DMD: variants seen among roughly 807,000 people sequenced by gnomAD.
DMD encodes dystrophin.
Under a neutral mutation model 330.1 loss-of-function variants are expected in DMD, and 63 were observed. The observed-to-expected ratio is 0.19, with a 90% confidence interval of 0.16 to 0.24. DMD has a LOEUF of 0.24. DMD is among the 10% of genes least tolerant of loss of function. The pLI is 1.00. For missense variants in DMD, 3,344 were observed against 2,684.1 expected (o/e 1.25, Z -5.43); for synonymous variants, 1,223 against 959.8 (o/e 1.27, Z -5.07).
At chrX:31,186,192 G>A (rs1449383276) in intron 67 of DMD, among the ~76,000 whole-genome samples, 1 of 111,772 alleles carries the variant, frequency 8.9e-6, no homozygotes, top group Non-Finnish European at 1.9e-5. Flanking sequence ...GCTGCAAAAT[G>A]GTATCAGTTC....
intron 44 of DMD, among the ~76,000 whole-genome samples, chrX:32,064,289 C>G (rs945938556): frequency 9.0e-6 from 1 of 111,104 alleles, no homozygotes; most frequent in Non-Finnish European, 1.9e-5. Context: ...AAGACAATTT[C>G]TATGTGTGTG....
intron 16 of DMD, among the ~76,000 whole-genome samples, chrX:32,556,292 A>G (rs2050292202): frequency 9.0e-6 from 1 of 111,643 alleles, no homozygotes; most frequent in South Asian, 3.8e-4. Flanking sequence ...CAGAATGGTT[A>G]CTATTAAAAA....
intron 15 of DMD, among the ~76,000 whole-genome samples, chrX:32,567,951 T>C (rs1464500870): frequency 8.9e-6 from 1 of 111,960 alleles, no homozygotes; most frequent in African/African-American, 3.2e-5. Context: ...CCTCTTTGAC[T>C]TACTTACTCA....
chrX:32,678,862 G>A (rs1414210709), intron 9 of DMD, among the ~76,000 whole-genome samples: 1 of 110,975 alleles, frequency 9.0e-6, no homozygotes, highest in Non-Finnish European at 1.9e-5. Context: ...TACAACTTTG[G>A]CAATAAAACA....
intron 60 of DMD, among the ~76,000 whole-genome samples, chrX:31,424,479 G>C (rs2063592724): frequency 8.9e-6 from 1 of 111,799 alleles, no homozygotes; most frequent in South Asian, 3.7e-4. Context: ...TTGGAAATCA[G>C]GTTTTTGGTT....
At chrX:32,363,243 G>A (rs780937589) in intron 36 of DMD, among the ~76,000 whole-genome samples, 14 of 111,698 alleles carry the variant, frequency 1.3e-4, no homozygotes, top group African/African-American at 4.5e-4. Flanking sequence ...TTTAGTCCGA[G>A]GAAGGACAGG....
chrX:32,806,330 AAAAAAAC>A (rs2076943482), intron 7 of DMD, among the ~76,000 whole-genome samples: 2 of 110,956 alleles, frequency 1.8e-5, no homozygotes, highest in Admixed American at 9.5e-5. Flanking sequence ...CAAAGATTTA[AAAAAAAC>A]AAAAAAAGAC....
chrX:31,170,396 G>A (rs773680502), intron 73 of DMD, among the ~76,000 whole-genome samples: 3 of 110,844 alleles, frequency 2.7e-5, no homozygotes, highest in African/African-American at 9.8e-5. Flanking sequence ...TGGAAACTAG[G>A]AACTCTCTAA....
intron 34 of DMD, among the ~76,000 whole-genome samples, chrX:32,366,450 G>A (rs1418858776): frequency 2.7e-5 from 3 of 112,359 alleles, no homozygotes; most frequent in South Asian, 7.3e-4. Flanking sequence ...CTTAATCACA[G>A]AAAGCCAAAG....
At chrX:32,085,627 T>TATATAC (rs1277509615) in intron 44 of DMD, among the ~76,000 whole-genome samples, 1 of 64,992 alleles carries the variant, frequency 1.5e-5, no homozygotes, top group East Asian at 6.9e-4. Context: ...CGTATATATA[T>TATATAC]ACACATATAT....
chrX:32,731,318 G>A (rs771684844), intron 7 of DMD, among the ~76,000 whole-genome samples: 1 of 112,354 alleles, frequency 8.9e-6, no homozygotes, highest in African/African-American at 3.2e-5. Flanking sequence ...ACTGCAAGGT[G>A]GCAGCAAGGC....
intron 9 of DMD, among the ~76,000 whole-genome samples, chrX:32,688,246 A>G (rs1433909433): frequency 9.0e-6 from 1 of 111,304 alleles, no homozygotes; most frequent in Admixed American, 9.6e-5. Flanking sequence ...GTTCGCAAAA[A>G]TTGACTCTAT....
chrX:32,563,370 TAGAG>T (rs2051287760), intron 16 of DMD, among the ~76,000 whole-genome samples: 1 of 97,513 alleles, frequency 1.0e-5, no homozygotes, highest in Non-Finnish European at 2.0e-5. Flanking sequence ...AAAAAGCAGA[TAGAG>T]AACCACAAAA....
At chrX:32,387,723 G>C (rs1381346551) in intron 32 of DMD, among the ~76,000 whole-genome samples, 1 of 110,673 alleles carries the variant, frequency 9.0e-6, no homozygotes, top group African/African-American at 3.3e-5. Context: ...TTTCTTAGAA[G>C]ATATAAAAAT....
rs34731646 is a variant in DMD at position 31,881,396 on chromosome X, CAA to C, written c.6913-6025_6913-6024del. Among the ~76,000 whole-genome samples the C allele has an allele frequency of 6.7e-3, 539 of 80,961 alleles. 2 individuals carry two copies. Among genetic ancestry groups the C allele is most frequent in the Middle Eastern group, 0.037 (6 of 161 alleles). 70.3% of individuals were successfully genotyped at this position (80,961 alleles called of 115,157 possible). A position where few individuals can be genotyped will look rare whatever the true frequency, so the allele number is the denominator to read the frequency against. ...TGAAACCCCATCTCTACTAAAAATA[CAA>C]AAAAAAAAAAAAAAGATAAAAATGT... On this transcript the variant is annotated intron_variant, in intron 47 of 78. Transcript: ENST00000357033.
intron 2 of DMD, among the ~76,000 whole-genome samples, chrX:32,931,269 G>C (rs57258080): frequency 0.21 from 23,478 of 109,615 alleles, 2,338 homozygotes; most frequent in African/African-American, 0.38. Context: ...CTAATAAGGA[G>C]ATAACCCTAA....
intron 55 of DMD, among the ~76,000 whole-genome samples, chrX:31,598,296 A>T (rs1174810405): frequency 8.1e-5 from 9 of 110,440 alleles, no homozygotes; most frequent in East Asian, 2.9e-4. Flanking sequence ...TTTTTAAAAA[A>T]TTTTTTTGGT....
chrX:31,717,076 T>C (rs1420521593), intron 52 of DMD, among the ~76,000 whole-genome samples: 1 of 111,522 alleles, frequency 9.0e-6, no homozygotes, highest in Non-Finnish European at 1.9e-5. Context: ...GGACAATATC[T>C]ACCATAGGGA....
At chrX:32,391,067 A>G (rs1354376347) in intron 30 of DMD, among the ~76,000 whole-genome samples, 1 of 111,749 alleles carries the variant, frequency 8.9e-6, no homozygotes, top group African/African-American at 3.2e-5. Flanking sequence ...TAACATATGA[A>G]TTTCTGAGCC....
Sources: allele counts gnomAD v4.1 joint callset (sites outside exome capture counted in the v4.1 genomes callset), GRCh38; gene constraint gnomAD v4.1.1; transcripts MANE v1.5; gene names NCBI Gene and HGNC (gene_info 2026-07-23, HGNC 2026-07-21).